The following UTRN variants were observed in gnomAD, a reference collection of about 807,000 sequenced individuals.
UTRN encodes dystrophin-related protein 1.
A neutral mutation model predicts 463.9 loss-of-function variants in UTRN; 283 were observed. The ratio of observed to expected loss-of-function variants is 0.61; its 90% CI spans 0.55 to 0.67. The LOEUF (loss-of-function observed/expected upper bound fraction) is 0.67. Ranked by LOEUF, UTRN falls within the 30% of genes least tolerant of loss-of-function variation. The pLI is 0.00. For missense variants in UTRN, 3,922 were observed against 4,084.3 expected, an observed-to-expected ratio of 0.96 and a Z score of 1.08; for synonymous variants, 1,442 against 1,431.5, an observed-to-expected ratio of 1.01 and a Z score of -0.17.
At position 144,309,396 on chromosome 6, in the gene UTRN, A is replaced by G. The variant is rs376702195; in HGVS notation, c.79+17489A>G. The stretch of plus-strand genomic sequence containing the variant: ...TCTATGTTCAGATCTGAAAATCTGA[A>G]CTCCTGATCTCCCGTAAACCCCAAA... On this transcript the variant is annotated intron_variant, in intron 2 of 74. Coordinates refer to ENST00000367545, the MANE Select transcript of UTRN (RefSeq NM_007124.3). Among the ~76,000 whole-genome samples, 21 of 151,776 alleles carry G rather than the reference A, an allele frequency of 1.4e-4. No homozygotes were observed. The East Asian group carries it at 4.1e-3, about 29-fold the overall frequency.
chr6:144,403,019 A>G, intron 2 of UTRN, 104 bp from the exon 3 acceptor site: 3 of 990,908 alleles, frequency 3.0e-6, no homozygotes, highest in Non-Finnish European at 4.6e-6. Flanking sequence ...CTCGACTAAT[A>G]GGACTATTTT....
intron 2 of UTRN, among the ~76,000 whole-genome samples, chr6:144,321,461 CTTTTTTTTTTTT>C (rs529134208): frequency 5.0e-5 from 5 of 100,454 alleles, no homozygotes; most frequent in Admixed American, 1.2e-4. Context: ...TGTGCCATAT[CTTTTTTTTTTTT>C]TTTTTTTTTT....
At chr6:144,406,498 C>T (rs80159208) in intron 3 of UTRN, among the ~76,000 whole-genome samples, 4 of 151,966 alleles carry the variant, frequency 2.6e-5, no homozygotes, top group Admixed American at 2.0e-4. Flanking sequence ...TCCCTAGTAG[C>T]TGGGATTATG....
In UTRN at chr6:144,522,158, A is replaced by G. The variant is rs768588171; in HGVS notation, c.5720A>G (p.Glu1907Gly). 2.3e-5 allele frequency: 36 copies of G among 1,540,254 alleles called. No homozygotes were observed. In the Admixed American group the frequency reaches 7.0e-4, roughly 30 times the overall value. Residue 1907 changes from glutamate to glycine, a missense_variant, in exon 40 of 75, where the codon GAA (glutamate) becomes GGA (glycine). Physicochemically the swap from Glu to Gly is moderately conservative, Grantham distance 98. Coordinates refer to ENST00000367545, the MANE Select transcript of UTRN (RefSeq NM_007124.3). Reference protein sequence around the residue: ...TAIYEDFSFQEDSLKNIKDQL... With the variant: ...TAIYEDFSFQGDSLKNIKDQL... ...ATTTACGAAGACTTCTCTTTTCAGG[A>G]AGACTCTCTGAAGGTAGACCTCTGG...
chr6:144,706,788 C>T (rs1025508908), intron 53 of UTRN: 15 of 152,122 alleles, frequency 9.9e-5, no homozygotes, highest in African/African-American at 3.6e-4. Flanking sequence ...TAACAAAATT[C>T]TTTTTTTTCC....
chr6:144,761,154 T>C (rs1340264601), intron 58 of UTRN, among the ~76,000 whole-genome samples: 1 of 152,212 alleles, frequency 6.6e-6, no homozygotes, highest in Non-Finnish European at 1.5e-5. Flanking sequence ...AACTAGTCTA[T>C]ATAGTATAAA....
chr6:144,291,417 A>G (rs1283189869), intron 1 of UTRN, among the ~76,000 whole-genome samples: 1 of 152,212 alleles, frequency 6.6e-6, no homozygotes, highest in East Asian at 1.9e-4. Flanking sequence ...TCTTCAAGAA[A>G]GCCTTCTCTA....
intron 43 of UTRN, among the ~76,000 whole-genome samples, chr6:144,536,341 A>C (rs865810552): frequency 6.6e-6 from 1 of 152,182 alleles, no homozygotes; most frequent in East Asian, 1.9e-4. Context: ...AAAGGCCTAT[A>C]ATAGTATTTT....
intron 23 of UTRN, among the ~76,000 whole-genome samples, chr6:144,466,923 T>A (rs1584900669): frequency 2.6e-5 from 4 of 152,292 alleles, no homozygotes; most frequent in East Asian, 3.9e-4. Flanking sequence ...TCTCATGCAA[T>A]CTCTTTCCCT....
Position 144,516,313 on chromosome 6 carries a change from A to T in UTRN, c.5329A>T (p.Lys1777Ter). The T allele has an allele frequency of 6.2e-7, 1 of 1,613,896 alleles. No homozygotes were observed. The highest frequency in any genetic ancestry group is 8.5e-7 in the Non-Finnish European group (1 of 1,179,926). ...ETGVPFSDLE[K>*]LENDIENMLK... ...TGGTGTGCCTTTCTCTGACTTGGAA[A>T]AATTAGAAAATGACATAGAAAATAT... is the stretch of plus-strand genomic sequence containing the variant. The change falls in exon 38 of 75, where the codon AAA (lysine) becomes TAA (stop). Residue 1777 changes from lysine to a stop codon, truncating the protein, a stop_gained. Transcript: ENST00000367545. LOFTEE classifies it high-confidence loss of function.
chr6:144,623,375 A>C (rs1281885839), intron 51 of UTRN, among the ~76,000 whole-genome samples: 1 of 152,236 alleles, frequency 6.6e-6, no homozygotes, highest in African/African-American at 2.4e-5. Flanking sequence ...ATTTTTTACA[A>C]AGTGTTTTAT....
intron 52 of UTRN, among the ~76,000 whole-genome samples, chr6:144,690,300 A>G (rs891754468): frequency 1.3e-5 from 2 of 151,390 alleles, no homozygotes; most frequent in East Asian, 3.9e-4. Flanking sequence ...CCTCTGCTGC[A>G]CAGAAGAGTG....
chr6:144,849,703 G>C (rs1782324102), intron 74 of UTRN, among the ~76,000 whole-genome samples: 1 of 152,022 alleles, frequency 6.6e-6, no homozygotes, highest in Admixed American at 6.6e-5. Context: ...TATTTACATA[G>C]CATGATCTTA....
intron 2 of UTRN, among the ~76,000 whole-genome samples, chr6:144,362,357 A>G (rs757355354): frequency 6.6e-6 from 1 of 152,214 alleles, no homozygotes; most frequent in Non-Finnish European, 1.5e-5. Flanking sequence ...TACCCTTTTC[A>G]GACTGCTGAC....
chr6:144,607,675 C>T (rs1013460856), intron 51 of UTRN, among the ~76,000 whole-genome samples: 6 of 152,172 alleles, frequency 3.9e-5, no homozygotes, highest in African/African-American at 1.2e-4. Flanking sequence ...GATGGACACT[C>T]ATCATCATGA....
intron 48 of UTRN, among the ~76,000 whole-genome samples, chr6:144,553,699 G>A (rs919155412): frequency 4.5e-4 from 69 of 152,050 alleles, no homozygotes; most frequent in Non-Finnish European, 7.2e-4. Flanking sequence ...GACAGATCAC[G>A]AGGTCAGGAG....
intron 2 of UTRN, among the ~76,000 whole-genome samples, chr6:144,320,975 G>A (rs1311909744): frequency 1.3e-5 from 2 of 151,622 alleles, no homozygotes; most frequent in African/African-American, 4.8e-5. Flanking sequence ...AGACAAGCTC[G>A]CTGTGCAGCA....
intron 51 of UTRN, among the ~76,000 whole-genome samples, chr6:144,595,380 G>A (rs545206403): frequency 1.3e-4 from 20 of 152,296 alleles, no homozygotes; most frequent in Admixed American, 1.1e-3. Context: ...GCTGAAATGC[G>A]TTTTGAAAAC....
chr6:144,522,891 T>A, intron 40 of UTRN, 125 bp from the exon 41 acceptor site: 2 of 844,502 alleles, frequency 2.4e-6, no homozygotes, highest in South Asian at 4.9e-5. Context: ...GTTTTCATGA[T>A]TAACAATGAT....
Sources: allele counts gnomAD v4.1 joint callset (sites outside exome capture counted in the v4.1 genomes callset), GRCh38; gene constraint gnomAD v4.1.1; transcripts MANE v1.5; gene names NCBI Gene and HGNC (gene_info 2026-07-23, HGNC 2026-07-21).